The following VWA2 variants were observed in gnomAD, a reference collection of about 807,000 sequenced individuals.
The protein encoded by VWA2 is von Willebrand factor A domain-containing protein 2.
In VWA2, 73 loss-of-function variants were observed where a neutral mutation model predicts 70.4. The ratio of observed to expected loss-of-function variants is 1.04; its 90% CI spans 0.86 to 1.26. The LOEUF (loss-of-function observed/expected upper bound fraction) is 1.26. Among genes scored for constraint, VWA2 ranks in the 50% most tolerant of loss-of-function variants. The pLI, the probability that VWA2 is intolerant of heterozygous loss-of-function variation, is 0.00. For missense variants in VWA2, 1,011 were observed against 998.5 expected (o/e 1.01, Z -0.17); for synonymous variants, 407 against 423.3 (o/e 0.96, Z 0.47).
chr10:114,282,017 C>CTTTTTT (rs144974085), intron 8 of VWA2, among the ~76,000 whole-genome samples: 4 of 119,662 alleles, frequency 3.3e-5, no homozygotes, highest in Admixed American at 1.8e-4. Context: ...CTTATGTTAC[C>CTTTTTT]TTTTTTTTTT....
Position 114,272,748 on chromosome 10 carries a change from G to T in VWA2, c.380G>T (p.Arg127Leu), listed in dbSNP as rs772425631. The change falls in exon 6 of 14, where the codon CGC (arginine) becomes CTC (leucine). Residue 127 changes from arginine to leucine, a missense_variant. Transcript: ENST00000392982. ...RIKRMVFKGG[R>L]TETELALKYL... is the part of the protein sequence containing the mutation. ...CTTCTGGGTGTGCACAGAGGAGGGC[G>T]CACGGAGACGGAACTTGCTCTGAAA... 3 of 1,603,916 alleles carry T rather than the reference G, an allele frequency of 1.9e-6. No homozygotes were observed. Among genetic ancestry groups the T allele is most frequent in the Non-Finnish European group, 2.6e-6 (3 of 1,173,818 alleles).
intron 5 of VWA2, among the ~76,000 whole-genome samples, chr10:114,272,455 G>T (rs1049501483): frequency 1.3e-5 from 2 of 152,146 alleles, no homozygotes; most frequent in African/African-American, 4.8e-5. Flanking sequence ...AAGAGCTGTC[G>T]GCCCAGAGTC....
Position 114,263,328 on chromosome 10 carries a change from ATTTTTTT to A in VWA2, c.371+2051_371+2057del, listed in dbSNP as rs35723083. 5.9e-3 allele frequency among the ~76,000 whole-genome samples: 450 copies of A among 76,134 alleles called. 3 individuals are homozygous for A. The highest frequency in any genetic ancestry group is 0.024 in the African/African-American group (429 of 18,138). The allele number at this position is 76,134 out of a possible 152,430, so 49.9% of individuals were successfully genotyped here. ...CTGTGCCCAGCCAGGAATCTCCCCC[ATTTTTTT>A]TTTTTTTTTTTTTTTTTGTGAGACG... On this transcript the variant is annotated intron_variant, in intron 5 of 13. Coordinates refer to ENST00000392982, the MANE Select transcript of VWA2 (RefSeq NM_001272046.2).
At chr10:114,274,694 C>A (rs1039715917) in intron 6 of VWA2, among the ~76,000 whole-genome samples, 17 of 151,746 alleles carry the variant, frequency 1.1e-4, no homozygotes, top group Non-Finnish European at 1.2e-4. Context: ...AGGGTTTCAC[C>A]ATGTTGGCCA....
chr10:114,246,809 C>T (rs978178104), intron 1 of VWA2: 6 of 992,332 alleles, frequency 6.0e-6, no homozygotes, highest in African/African-American at 4.8e-5. Flanking sequence ...TTGACTGCTG[C>T]CCTCAATCTA....
intron 6 of VWA2, among the ~76,000 whole-genome samples, chr10:114,273,690 T>A (rs1232952548): frequency 6.6e-6 from 1 of 152,232 alleles, no homozygotes; most frequent in Non-Finnish European, 1.5e-5. Flanking sequence ...CAGAAATCTC[T>A]TCATTAATTT....
At chr10:114,246,440 G>T in intron 1 of VWA2, 2 of 609,340 alleles carry the variant, frequency 3.3e-6, no homozygotes, top group Non-Finnish European at 5.7e-6. Flanking sequence ...GGCAGAGGTA[G>T]CAGTGAGCCA....
intron 4 of VWA2, among the ~76,000 whole-genome samples, chr10:114,255,570 G>A (rs1426920748): frequency 6.6e-6 from 1 of 152,198 alleles, no homozygotes; most frequent in South Asian, 2.1e-4. Context: ...AGAACAATGG[G>A]AAAGGGAAAG....
At chr10:114,262,809 A>G (rs2037473928) in intron 5 of VWA2, among the ~76,000 whole-genome samples, 1 of 152,170 alleles carries the variant, frequency 6.6e-6, no homozygotes, top group African/African-American at 2.4e-5. Flanking sequence ...ACAAAAGGAA[A>G]GAGCTCATTA....
chr10:114,280,327 C>T (rs145053316), intron 8 of VWA2, among the ~76,000 whole-genome samples: 211 of 152,286 alleles, frequency 1.4e-3, no homozygotes, highest in African/African-American at 4.5e-3. Context: ...CACAAGCTGA[C>T]GCTCCAGTAA....
intron 5 of VWA2, among the ~76,000 whole-genome samples, chr10:114,263,411 A>G (rs979316051): frequency 9.6e-5 from 13 of 135,238 alleles, no homozygotes; most frequent in African/African-American, 3.7e-4. Flanking sequence ...ATCTCTGCTC[A>G]CTGCAAGCTC....
chr10:114,284,813 C>CA (rs1336492443), intron 9 of VWA2, 50 bp from the exon 10 acceptor site: 1 of 1,534,146 alleles, frequency 6.5e-7, no homozygotes, highest in South Asian at 1.2e-5. Flanking sequence ...CAGTCCTCTC[C>CA]ACTCCTCTGT....
chr10:114,285,386 A>G (rs531334800), intron 10 of VWA2, among the ~76,000 whole-genome samples: 118 of 152,356 alleles, frequency 7.7e-4, no homozygotes, highest in Non-Finnish European at 1.4e-3. Context: ...GCTTTACCTC[A>G]CTGGGTGGTT....
chr10:114,270,187 C>T (rs1564724255), intron 5 of VWA2, among the ~76,000 whole-genome samples: 1 of 152,060 alleles, frequency 6.6e-6, no homozygotes, highest in Non-Finnish European at 1.5e-5. Context: ...CCAGTTCCGA[C>T]CTCCACTAGC....
Position 114,254,966 on chromosome 10 carries a change from A to G in VWA2, c.179A>G (p.Asn60Ser), listed in dbSNP as rs2037290395. ...VDIMFLLDGS[N>S]SVGKGSFERS... The stretch of plus-strand genomic sequence containing the variant: ...ATCATGTTTCTGTTAGATGGGTCTA[A>G]CAGCGTCGGGAAAGGGAGCTTTGAA... Residue 60 changes from asparagine to serine, a missense_variant, in exon 4 of 14, where the codon AAC (asparagine) becomes AGC (serine). Asn to Ser is a conservative substitution (Grantham distance 46). Transcript: ENST00000392982. 1 of 1,613,320 alleles carries G rather than the reference A, an allele frequency of 6.2e-7. No individual in the cohort carries two copies. The highest frequency in any genetic ancestry group is 1.3e-5 in the African/African-American group (1 of 74,914).
intron 1 of VWA2, chr10:114,246,619 C>CCAATGCT: frequency 6.8e-7 from 1 of 1,463,826 alleles, no homozygotes; most frequent in South Asian, 1.1e-5. Flanking sequence ...CAGCCAGAGG[C>CCAATGCT]CAATGCTCAG....
intron 8 of VWA2, among the ~76,000 whole-genome samples, chr10:114,279,799 A>T (rs1319864724): frequency 6.6e-6 from 1 of 152,184 alleles, no homozygotes; most frequent in Non-Finnish European, 1.5e-5. Context: ...CATGGTTTAG[A>T]GGAGGGCATT....
In VWA2 at chr10:114,289,722, A is replaced by T; in HGVS notation, c.2122+233A>T. 8.8e-6 allele frequency: 5 copies of T among 571,418 alleles called. No individual in the cohort carries two copies. The South Asian group carries it at 1.0e-4, about 12-fold the overall frequency. 35.4% of individuals were successfully genotyped at this position (571,418 alleles called of 1,614,324 possible). ...TAACTAACATAGATAACTCCCCCCA[A>T]ACTTGAGAATTTATGCATTCCCTTT... On this transcript the variant is annotated intron_variant, in intron 12 of 13. Transcript: ENST00000392982.
chr10:114,246,819 A>G, intron 1 of VWA2: 1 of 915,872 alleles, frequency 1.1e-6, no homozygotes, highest in East Asian at 2.4e-5. Flanking sequence ...CCCTCAATCT[A>G]GAGCGCTACA....
Sources: allele counts gnomAD v4.1 joint callset (sites outside exome capture counted in the v4.1 genomes callset), GRCh38; gene constraint gnomAD v4.1.1; transcripts MANE v1.5; gene names NCBI Gene and HGNC (gene_info 2026-07-23, HGNC 2026-07-21).